Variants in PAX3 observed in about 807,000 individuals in gnomAD.
The protein encoded by PAX3 is paired box 3.
A neutral mutation model predicts 51.6 loss-of-function variants in PAX3; 14 were observed. The ratio of observed to expected loss-of-function variants is 0.27; its 90% CI spans 0.18 to 0.42. The LOEUF is 0.42. Ranked by LOEUF, PAX3 falls within the 10% of genes least tolerant of loss-of-function variation. PAX3 has a pLI of 1.00. For missense variants in PAX3, 540 were observed against 642.8 expected (o/e 0.84, Z 1.73); for synonymous variants, 280 against 253.4 (o/e 1.11, Z -1.00).
At chr2:222,267,446 A>T (rs1228132212) in intron 4 of PAX3, among the ~76,000 whole-genome samples, 3 of 152,160 alleles carry the variant, frequency 2.0e-5, no homozygotes, top group Non-Finnish European at 2.9e-5. Context: ...TATGCTATGT[A>T]TTTTTTTAAA....
intron 7 of PAX3, among the ~76,000 whole-genome samples, chr2:222,215,360 T>C (rs541106016): frequency 6.6e-6 from 1 of 152,132 alleles, no homozygotes; most frequent in African/African-American, 2.4e-5. Flanking sequence ...TGCAGCCAAG[T>C]TGGCCCATTT....
At chr2:222,267,705 A>G (rs1694101262) in intron 4 of PAX3, among the ~76,000 whole-genome samples, 1 of 152,174 alleles carries the variant, frequency 6.6e-6, no homozygotes, top group East Asian at 1.9e-4. Context: ...CTACTGCTCT[A>G]TTGACTGTCT....
intron 4 of PAX3, among the ~76,000 whole-genome samples, chr2:222,254,697 A>G (rs1693570411): frequency 6.6e-6 from 1 of 152,264 alleles, no homozygotes; most frequent in African/African-American, 2.4e-5. Context: ...ACTCTACAGT[A>G]TAAACATGTC....
chr2:222,223,921 CT>C (rs1219664916), intron 5 of PAX3, among the ~76,000 whole-genome samples: 1 of 152,170 alleles, frequency 6.6e-6, no homozygotes, highest in Non-Finnish European at 1.5e-5. Flanking sequence ...GTGGTGAAGC[CT>C]GATCTCTCCA....
chr2:222,298,365 G>A (rs1695418786), intron 1 of PAX3, 166 bp downstream of exon 1: 3 of 628,004 alleles, frequency 4.8e-6, no homozygotes, highest in Non-Finnish European at 8.5e-6. Flanking sequence ...TTTGCAGAAA[G>A]GAAATCGAGT....
In PAX3 at chr2:222,294,162, C is replaced by G; in HGVS notation, c.586+5G>C. On this transcript the variant is annotated splice_donor_5th_base_variant and intron_variant, in intron 4 of 8. Coordinates refer to ENST00000392070, the MANE Select transcript of PAX3 (RefSeq NM_181458.4). ...AAGTGCGCCGCCCAAGGCGCCACCG[C>G]TTACCTCGCTCGCTCAGGATGCCGT... The G allele has an allele frequency of 6.2e-7, 1 of 1,614,260 alleles. No homozygotes were observed. The highest frequency in any genetic ancestry group is 8.5e-7 in the Non-Finnish European group (1 of 1,180,042).
chr2:222,256,425 G>T (rs1329776342), intron 4 of PAX3, among the ~76,000 whole-genome samples: 1 of 151,524 alleles, frequency 6.6e-6, no homozygotes, highest in African/African-American at 2.4e-5. Flanking sequence ...GTCCTTCCTT[G>T]ATCCCTTGGG....
chr2:222,207,668 A>G (rs1222202952), intron 7 of PAX3, among the ~76,000 whole-genome samples: 2 of 152,152 alleles, frequency 1.3e-5, no homozygotes, highest in African/African-American at 2.4e-5. Flanking sequence ...CCTGTGACCA[A>G]TCACAGAGAT....
chr2:222,209,696 CAAAAAAAAAAAAAAAAAAAAAAAAAAAAA>C (rs546468709), intron 7 of PAX3, among the ~76,000 whole-genome samples: 12 of 61,372 alleles, frequency 2.0e-4, no homozygotes, highest in South Asian at 2.0e-3. Flanking sequence ...TCTGTCTCTA[CAAAAAAAAAAAAAAAAAAAAAAAAAAAAA>C]AAAAAAAAAA....
intron 4 of PAX3, among the ~76,000 whole-genome samples, chr2:222,239,849 G>C (rs35373048): frequency 0.43 from 65,760 of 151,616 alleles, 15,037 homozygotes; most frequent in East Asian, 0.83. Context: ...GAATTTTTGG[G>C]AAGGATATGC....
In PAX3 at chr2:222,201,212, C is replaced by T. The variant is rs770658594; in HGVS notation, c.*196G>A. The T allele has an allele frequency of 5.1e-5, 82 of 1,613,822 alleles. No individual in the cohort carries two copies. The highest frequency in any genetic ancestry group is 6.5e-5 in the Non-Finnish European group (77 of 1,179,992). ...TCTTCCTCTTCTCCACTGCTTTTGTCGAACGTGTTCAAAAGGATTTGAAAC... is the reference window on the plus strand; with the variant it reads ...TCTTCCTCTTCTCCACTGCTTTTGTTGAACGTGTTCAAAAGGATTTGAAAC... On this transcript the variant is annotated 3_prime_UTR_variant, in exon 9 of 9. Transcript: ENST00000392070.
chr2:222,278,983 C>T (rs139674076), intron 4 of PAX3, among the ~76,000 whole-genome samples: 143 of 152,284 alleles, frequency 9.4e-4, no homozygotes, highest in African/African-American at 3.2e-3. Context: ...TGGAGTCTCA[C>T]TCTGTTGCCC....
At chr2:222,271,309 A>G (rs1694245181) in intron 4 of PAX3, among the ~76,000 whole-genome samples, 1 of 152,212 alleles carries the variant, frequency 6.6e-6, no homozygotes, top group Admixed American at 6.5e-5. Flanking sequence ...AGTGGAATAA[A>G]CTTCAAGACC....
chr2:222,216,495 A>C (rs1691963780), intron 7 of PAX3, among the ~76,000 whole-genome samples: 1 of 152,154 alleles, frequency 6.6e-6, no homozygotes, highest in African/African-American at 2.4e-5. Flanking sequence ...AGATCAGTCC[A>C]TTGCCAAGCT....
chr2:222,220,216 T>C lies in PAX3; in HGVS notation c.1097A>G (p.Tyr366Cys), dbSNP rs1667255112. The change falls in exon 7 of 9, where the codon TAT becomes TGT. Residue 366 changes from tyrosine (Y) to cysteine (C), a missense_variant. This residue lies in a region of PAX3 where 427 missense variants were observed against 483.6 expected (regional missense o/e 0.88). Transcript: ENST00000392070. ...LPSTRHGFSS[Y>C]TDSFVPPSGP... Reference sequence around the variant, plus strand: ...CGACGGAGGCACAAAGCTGTCTGTATAGCTGGAAAATCCATGCCTGGTGCT... The same window carrying C: ...CGACGGAGGCACAAAGCTGTCTGTACAGCTGGAAAATCCATGCCTGGTGCT... 3 of 1,613,930 alleles carry C rather than the reference T, an allele frequency of 1.9e-6. No homozygotes were observed. Among genetic ancestry groups the C allele is most frequent in the Non-Finnish European group, 2.5e-6 (3 of 1,179,930 alleles).
At chr2:222,227,497 C>A (rs531605269) in intron 5 of PAX3, among the ~76,000 whole-genome samples, 1 of 151,994 alleles carries the variant, frequency 6.6e-6, no homozygotes, top group Non-Finnish European at 1.5e-5. Flanking sequence ...GAGACTGAGG[C>A]GGGAGGATCA....
chr2:222,251,790 A>G (rs550636322), intron 4 of PAX3, among the ~76,000 whole-genome samples: 1 of 152,230 alleles, frequency 6.6e-6, no homozygotes, highest in African/African-American at 2.4e-5. Flanking sequence ...TGACTTTTTA[A>G]TGATCACCAC....
chr2:222,274,958 C>A (rs1454114229), intron 4 of PAX3, among the ~76,000 whole-genome samples: 11 of 152,114 alleles, frequency 7.2e-5, no homozygotes. Flanking sequence ...AAAAGGGAGT[C>A]AATAATTTGA....
At chr2:222,217,390 GT>G (rs975826247) in intron 7 of PAX3, among the ~76,000 whole-genome samples, 25 of 152,002 alleles carry the variant, frequency 1.6e-4, no homozygotes, top group African/African-American at 6.0e-4. Flanking sequence ...TATGAAACCT[GT>G]TTTCTCTTCA....
Sources: gnomAD v4.1 joint callset for allele counts (sites outside exome capture counted in the v4.1 genomes callset) on GRCh38, gnomAD v4.1.1 for gene constraint, gnomAD v4.1.1 regional missense constraint, MANE v1.5 for transcripts, NCBI Gene and HGNC (gene_info 2026-07-23, HGNC 2026-07-21) for gene names.